NFIB: variants seen among roughly 807,000 people sequenced by gnomAD.
NFIB encodes nuclear factor I B.
NFIB carries 11 observed loss-of-function variants against 61.5 expected under a neutral mutation model. The observed-to-expected ratio is 0.18, with a 90% CI of 0.11 to 0.30. The LOEUF (loss-of-function observed/expected upper bound fraction) is 0.30. Among genes scored for constraint, NFIB ranks in the 10% least tolerant of loss-of-function variants. The probability of loss-of-function intolerance (pLI) is 1.00; values close to 1 mark genes in which losing one functional copy is unlikely to be tolerated. For missense variants in NFIB, 471 were observed against 608.9 expected, an observed-to-expected ratio of 0.77 and a Z score of 2.38; for synonymous variants, 260 against 216.5, an observed-to-expected ratio of 1.20 and a Z score of -1.76.
chr9:14,109,124 G>A (rs2036976317), intron 10 of NFIB, among the ~76,000 whole-genome samples: 1 of 151,952 alleles, frequency 6.6e-6, no homozygotes, highest in South Asian at 2.1e-4. Flanking sequence ...CTCACTATGA[G>A]GTAGACCAGA....
At chr9:14,289,081 C>CGTGTGT (rs58218572) in intron 2 of NFIB, among the ~76,000 whole-genome samples, 6,094 of 142,292 alleles carry the variant, frequency 0.043, 167 homozygotes, top group Middle Eastern at 0.083. Flanking sequence ...TTTTCCAAAG[C>CGTGTGT]GTGTGTGTGT....
At chr9:14,378,548 G>A (rs1205762615) in intron 1 of NFIB, among the ~76,000 whole-genome samples, 1 of 152,166 alleles carries the variant, frequency 6.6e-6, no homozygotes, top group Admixed American at 6.5e-5. Context: ...GTAGAGACGG[G>A]GTTTCACCAT....
the NFIB span, among the ~76,000 whole-genome samples, chr9:14,421,312 G>C: frequency 6.6e-6 from 1 of 152,122 alleles, no homozygotes; most frequent in Non-Finnish European, 1.5e-5. Context: ...ATACAGATTT[G>C]TTAAATAATT....
rs577415125 is a variant in NFIB at position 14,244,003 on chromosome 9, G to A, written c.562+62986C>T. ...GAGAATTAGCAATGCACTAAAATAG[G>A]ACACACAAATCAGTACTATTATGTG... On this transcript the variant is annotated intron_variant, in intron 2 of 10. Transcript: ENST00000380953. 7.7e-4 allele frequency among the ~76,000 whole-genome samples: 117 copies of A among 152,260 alleles called. 1 individual carries two copies. In the Middle Eastern group the frequency reaches 0.017, roughly 22 times the overall value.
At chr9:14,177,284 C>T (rs1285626255) in intron 3 of NFIB, among the ~76,000 whole-genome samples, 3 of 152,090 alleles carry the variant, frequency 2.0e-5, no homozygotes, top group African/African-American at 4.8e-5. Flanking sequence ...TATGCTTATA[C>T]TTAAAAAAGA....
At chr9:14,211,809 G>C (rs1384685536) in intron 2 of NFIB, among the ~76,000 whole-genome samples, 1 of 152,236 alleles carries the variant, frequency 6.6e-6, no homozygotes, top group Non-Finnish European at 1.5e-5. Flanking sequence ...GTTATTAAAA[G>C]TGATTTGAGT....
chr9:14,374,045 T>C (rs1263107424), intron 1 of NFIB, among the ~76,000 whole-genome samples: 2 of 152,200 alleles, frequency 1.3e-5, no homozygotes, highest in African/African-American at 2.4e-5. Flanking sequence ...CCTGGGGTTG[T>C]ACACTGAAAG....
chr9:14,221,378 A>C (rs376163396), intron 2 of NFIB, among the ~76,000 whole-genome samples: 9 of 152,234 alleles, frequency 5.9e-5, no homozygotes, highest in Non-Finnish European at 8.8e-5. Flanking sequence ...GATTTGGTTG[A>C]ATCACACAAT....
chr9:14,094,170 AC>A (rs1174939863), intron 10 of NFIB: 2 of 151,940 alleles, frequency 1.3e-5, no homozygotes, highest in Non-Finnish European at 2.9e-5. Flanking sequence ...TACCCACTAA[AC>A]TTTTCTCATC....
intron 2 of NFIB, among the ~76,000 whole-genome samples, chr9:14,250,147 T>C (rs2055423813): frequency 6.6e-6 from 1 of 152,216 alleles, no homozygotes; most frequent in Non-Finnish European, 1.5e-5. Flanking sequence ...TTTTTAGCTC[T>C]AACAGGGAGG....
chr9:14,227,092 G>C (rs2052520826), intron 2 of NFIB, among the ~76,000 whole-genome samples: 1 of 142,804 alleles, frequency 7.0e-6, no homozygotes, highest in African/African-American at 2.6e-5. Flanking sequence ...AGTGAGCCGA[G>C]ATCACGCCAT....
Position 14,313,351 on chromosome 9 carries a change from A to T in NFIB, c.30+131T>A. 7.6e-7 allele frequency: 1 copy of T among 1,308,388 alleles called. No individual in the cohort carries two copies. Among genetic ancestry groups the T allele is most frequent in the Non-Finnish European group, 1.0e-6 (1 of 959,952 alleles). 81.0% of individuals were successfully genotyped at this position (1,308,388 alleles called of 1,614,324 possible). A position where few individuals can be genotyped will look rare whatever the true frequency, so the allele number is the denominator to read the frequency against. Reference sequence around the variant, plus strand: ...CACGCCGCCCCGCGACGCCCGCTGCAACTCCGGGCCACTTCTCCAAGGGAC... The same window carrying T: ...CACGCCGCCCCGCGACGCCCGCTGCTACTCCGGGCCACTTCTCCAAGGGAC... On this transcript the variant is annotated intron_variant, in intron 1 of 10. Coordinates refer to ENST00000380953, the MANE Select transcript of NFIB (RefSeq NM_001190737.2). The surrounding 1 kb of genome is among the most constrained non-coding windows in gnomAD (Gnocchi z 4.5).
At chr9:14,464,571 G>A in the NFIB span, among the ~76,000 whole-genome samples, 2 of 152,212 alleles carry the variant, frequency 1.3e-5, no homozygotes, top group African/African-American at 4.8e-5. Flanking sequence ...CTGAAGTTGA[G>A]GAGGAGAACA....
At chr9:14,311,634 G>A (rs1442179446) in intron 1 of NFIB, among the ~76,000 whole-genome samples, 3 of 152,142 alleles carry the variant, frequency 2.0e-5, no homozygotes, top group Admixed American at 2.0e-4. Context: ...CTGTCTCAAT[G>A]CTGCAATATT....
chr9:14,348,560 G>A (rs1416782602), intron 1 of NFIB, among the ~76,000 whole-genome samples: 1 of 152,232 alleles, frequency 6.6e-6, no homozygotes, highest in African/African-American at 2.4e-5. Context: ...GGCACAGGCG[G>A]CCCAGCCTTT....
rs1219645784 is a variant in NFIB, at chr9:14,262,711, G to A, written c.562+44278C>T. 5.9e-5 allele frequency among the ~76,000 whole-genome samples: 9 copies of A among 152,180 alleles called. No homozygotes were observed. In the South Asian group the frequency reaches 6.2e-4, roughly 11 times the overall value. On this transcript the variant is annotated intron_variant, in intron 2 of 10. Coordinates refer to ENST00000380953, the MANE Select transcript of NFIB (RefSeq NM_001190737.2). ...ATCCTAACTTACTAGAGACAGAACC[G>A]ACAGCGGAGAAAGAAAAGATGTTCA...
intron 2 of NFIB, among the ~76,000 whole-genome samples, chr9:14,298,731 A>G (rs1346826805): frequency 1.3e-5 from 2 of 152,234 alleles, no homozygotes; most frequent in African/African-American, 2.4e-5. Flanking sequence ...AAACAGTGAC[A>G]TTATTACACA....
chr9:14,172,379 G>A (rs1264150844), intron 3 of NFIB, among the ~76,000 whole-genome samples: 2 of 152,058 alleles, frequency 1.3e-5, no homozygotes, highest in Non-Finnish European at 2.9e-5. Flanking sequence ...AGGACAGACA[G>A]AAGTTTCAAT....
chr9:14,428,131 A>T, the NFIB span, among the ~76,000 whole-genome samples: 38 of 151,452 alleles, frequency 2.5e-4, no homozygotes, highest in Middle Eastern at 3.4e-3. Context: ...TTTTTTGTAG[A>T]GATGGGGTTT....
Sources: gnomAD v4.1 joint callset for allele counts (sites outside exome capture counted in the v4.1 genomes callset) on GRCh38, gnomAD v4.1.1 for gene constraint, Gnocchi (gnomAD v3.1) non-coding constraint, MANE v1.5 for transcripts, NCBI Gene and HGNC (gene_info 2026-07-23, HGNC 2026-07-21) for gene names.